The following ABHD3 variants were observed in gnomAD, a reference collection of about 807,000 sequenced individuals.
ABHD3 encodes phospholipase ABHD3.
Under a neutral mutation model 48.8 loss-of-function variants are expected in ABHD3, and 46 were observed. That is an observed-to-expected ratio of 0.94 (90% CI 0.74 to 1.20). ABHD3 has a LOEUF of 1.20. Among genes scored for constraint, ABHD3 ranks in the 50% most tolerant of loss-of-function variants. ABHD3 has a pLI of 0.00. For missense variants in ABHD3, 490 were observed against 497.8 expected (o/e 0.98, Z 0.15); for synonymous variants, 192 against 183.7 (o/e 1.04, Z -0.36).
intron 3 of ABHD3, among the ~76,000 whole-genome samples, chr18:21,693,320 T>C (rs886829241): frequency 6.6e-6 from 1 of 152,170 alleles, no homozygotes; most frequent in African/African-American, 2.4e-5. Context: ...TTGTTACAGA[T>C]GAGAAAACAG....
At chr18:21,688,368 T>A (rs992199530) in intron 3 of ABHD3, among the ~76,000 whole-genome samples, 2 of 151,982 alleles carry the variant, frequency 1.3e-5, no homozygotes, top group Non-Finnish European at 2.9e-5. Flanking sequence ...CAGCTAGTCA[T>A]ATGATTGATT....
At chr18:21,704,288 C>T (rs1235626547) in intron 1 of ABHD3, among the ~76,000 whole-genome samples, 2 of 152,194 alleles carry the variant, frequency 1.3e-5, no homozygotes, top group Non-Finnish European at 2.9e-5. Context: ...CGGGTTCAGG[C>T]TGCGCTCCGA....
intron 3 of ABHD3, among the ~76,000 whole-genome samples, chr18:21,687,871 G>A (rs2040162760): frequency 6.6e-6 from 1 of 152,166 alleles, no homozygotes; most frequent in Non-Finnish European, 1.5e-5. Flanking sequence ...GTGCTGTCCT[G>A]TGCATTATAG....
chr18:21,691,250 T>C (rs1428710964), intron 3 of ABHD3, among the ~76,000 whole-genome samples: 1 of 152,182 alleles, frequency 6.6e-6, no homozygotes, highest in Admixed American at 6.6e-5. Context: ...AATGTGTATG[T>C]GTCTAACAGA....
chr18:21,701,816 A>C (rs2040519673), intron 3 of ABHD3: 2 of 152,276 alleles, frequency 1.3e-5, no homozygotes, highest in Non-Finnish European at 2.9e-5. Context: ...GTGCACCTGC[A>C]AACTCAGGTG....
chr18:21,661,367 G>A (rs1157935080), intron 5 of ABHD3, among the ~76,000 whole-genome samples: 1 of 152,126 alleles, frequency 6.6e-6, no homozygotes, highest in Non-Finnish European at 1.5e-5. Context: ...GCCGGGCGCA[G>A]TGGCTCATGC....
intron 6 of ABHD3, among the ~76,000 whole-genome samples, chr18:21,658,824 A>G (rs1239813966): frequency 6.7e-6 from 1 of 149,412 alleles, no homozygotes; most frequent in African/African-American, 2.5e-5. Flanking sequence ...GCATGTAATC[A>G]TTTGGAGACA....
chr18:21,669,187 GAC>G (rs2039703408), intron 4 of ABHD3, among the ~76,000 whole-genome samples: 1 of 152,162 alleles, frequency 6.6e-6, no homozygotes, highest in Non-Finnish European at 1.5e-5. Flanking sequence ...CAGCCTTGGT[GAC>G]AGACTGAGAC....
intron 4 of ABHD3, among the ~76,000 whole-genome samples, chr18:21,670,156 A>C (rs987045574): frequency 2.0e-5 from 3 of 152,124 alleles, no homozygotes; most frequent in Admixed American, 1.3e-4. Context: ...GGAGGATGTT[A>C]ACGCCCCGGT....
chr18:21,702,032 G>C, intron 3 of ABHD3: 1 of 235,060 alleles, frequency 4.3e-6, no homozygotes, highest in Non-Finnish European at 8.4e-6. Flanking sequence ...GGGTGGGGAT[G>C]GGGGGAAGGG....
In ABHD3 at chr18:21,651,678, T is replaced by C. The variant is rs139317568; in HGVS notation, c.1143A>G (p.Gly381=). ...SYGGHIGFLE[G]IWPRQSTYMD... ...TGTAAGTGGACTGTCTTGGCCAGATTCCCTCCAGAAAACCAATATGGCCTC... is the reference window on the plus strand; with the variant it reads ...TGTAAGTGGACTGTCTTGGCCAGATCCCCTCCAGAAAACCAATATGGCCTC... Residue 381 remains glycine (G), a synonymous_variant, in exon 9 of 9, where the codon GGA becomes GGG. Coordinates refer to ENST00000289119, the MANE Select transcript of ABHD3 (RefSeq NM_138340.5). The C allele has an allele frequency of 1.4e-4, 219 of 1,611,866 alleles. No homozygotes were observed. The highest frequency in any genetic ancestry group is 1.8e-4 in the Non-Finnish European group (213 of 1,179,230).
chr18:21,673,831 C>G (rs2039812731), intron 4 of ABHD3, among the ~76,000 whole-genome samples: 1 of 151,722 alleles, frequency 6.6e-6, no homozygotes, highest in Non-Finnish European at 1.5e-5. Context: ...GTCTCAAACT[C>G]CTGGCCTCAT....
At chr18:21,703,221 C>CCA (rs1242684660) in intron 2 of ABHD3, among the ~76,000 whole-genome samples, 1 of 121,914 alleles carries the variant, frequency 8.2e-6, no homozygotes, top group Non-Finnish European at 1.8e-5. Flanking sequence ...TCACCCCACC[C>CCA]CCCCCCCCAG....
chr18:21,668,336 G>A (rs1023225782), intron 4 of ABHD3, among the ~76,000 whole-genome samples: 1 of 151,828 alleles, frequency 6.6e-6, no homozygotes, highest in Admixed American at 6.6e-5. Flanking sequence ...TTGCAGGTGA[G>A]TCTATTCACA....
chr18:21,688,020 C>CA (rs1353364326), intron 3 of ABHD3, among the ~76,000 whole-genome samples: 3 of 152,228 alleles, frequency 2.0e-5, no homozygotes, highest in Non-Finnish European at 4.4e-5. Flanking sequence ...ACCACTGTCA[C>CA]AGTGAGATGG....
intron 4 of ABHD3, among the ~76,000 whole-genome samples, chr18:21,675,367 C>A (rs985594221): frequency 6.9e-6 from 1 of 145,434 alleles, no homozygotes; most frequent in Admixed American, 7.3e-5. Context: ...CTCCTGGGTT[C>A]AAGCGATTCT....
intron 5 of ABHD3, among the ~76,000 whole-genome samples, chr18:21,660,310 C>T (rs573138142): frequency 1.6e-4 from 24 of 151,814 alleles, no homozygotes; most frequent in Admixed American, 4.6e-4. Context: ...ATCCTTGCAC[C>T]CTGTGGCAAG....
intron 8 of ABHD3, among the ~76,000 whole-genome samples, chr18:21,656,294 C>T (rs2039347782): frequency 6.6e-6 from 1 of 152,096 alleles, no homozygotes; most frequent in African/African-American, 2.4e-5. Flanking sequence ...CCCACCTCAG[C>T]CTCCCAAGTA....
chr18:21,677,707 C>A (rs992713826), intron 4 of ABHD3, among the ~76,000 whole-genome samples: 1 of 151,610 alleles, frequency 6.6e-6, no homozygotes, highest in Non-Finnish European at 1.5e-5. Flanking sequence ...ATTTTTGAGA[C>A]GGAGTCTTGC....
Sources: gnomAD v4.1 joint callset for allele counts (sites outside exome capture counted in the v4.1 genomes callset) on GRCh38, gnomAD v4.1.1 for gene constraint, MANE v1.5 for transcripts, NCBI Gene and HGNC (gene_info 2026-07-23, HGNC 2026-07-21) for gene names.